LDLRAD4: variants seen among roughly 807,000 people sequenced by gnomAD.
LDLRAD4 encodes the protein low density lipoprotein receptor class A domain containing 4.
LDLRAD4 carries 5 observed loss-of-function variants against 17.0 expected under a neutral mutation model. The observed-to-expected ratio is 0.29, with a 90% CI of 0.15 to 0.62. The LOEUF (loss-of-function observed/expected upper bound fraction) is 0.62. Ranked by LOEUF, LDLRAD4 falls within the 20% of genes least tolerant of loss-of-function variation. The pLI, the probability that LDLRAD4 is intolerant of heterozygous loss-of-function variation, is 0.84. For synonymous variants in LDLRAD4, 168 were observed against 171.8 expected, an observed-to-expected ratio of 0.98 and a Z score of 0.17; for missense variants, 340 against 424.7, an observed-to-expected ratio of 0.80 and a Z score of 1.75.
intron 1 of LDLRAD4, among the ~76,000 whole-genome samples, chr18:13,224,344 C>T (rs1051646607): frequency 1.6e-4 from 25 of 152,272 alleles, no homozygotes; most frequent in East Asian, 9.6e-4. Context: ...TGTGACTGCC[C>T]GGTTCCTGGG....
intron 3 of LDLRAD4, among the ~76,000 whole-genome samples, chr18:13,567,752 T>TTAA (rs2094626122): frequency 6.7e-6 from 1 of 150,100 alleles, no homozygotes; most frequent in Non-Finnish European, 1.5e-5. Flanking sequence ...CTTTTTTTGT[T>TTAA]AAAAAAAAAA....
At chr18:13,389,584 G>A (rs1031883025) in intron 2 of LDLRAD4, among the ~76,000 whole-genome samples, 1 of 152,138 alleles carries the variant, frequency 6.6e-6, no homozygotes, top group East Asian at 1.9e-4. Flanking sequence ...AGAGCCCGAG[G>A]AAAAGTGGCA....
chr18:13,590,338 AGTGT>A (rs10526136), intron 3 of LDLRAD4, among the ~76,000 whole-genome samples: 1 of 145,836 alleles, frequency 6.9e-6, no homozygotes, highest in African/African-American at 2.6e-5. Flanking sequence ...GTGGGGGGTA[AGTGT>A]GTGTGTGTGC....
chr18:13,566,434 C>G (rs1262727867), intron 3 of LDLRAD4, among the ~76,000 whole-genome samples: 1 of 149,198 alleles, frequency 6.7e-6, no homozygotes, highest in African/African-American at 2.5e-5. Flanking sequence ...GCAATCTTAG[C>G]TCATTGCAAC....
At chr18:13,509,758 A>G (rs1284567) in intron 3 of LDLRAD4, among the ~76,000 whole-genome samples, 62,212 of 152,122 alleles carry the variant, frequency 0.41, 14,785 homozygotes, top group East Asian at 0.61. Flanking sequence ...GAGTCAATCA[A>G]TGAGGCACTC....
exon 6 of LDLRAD4, chr18:13,648,738 T>C (rs2043114228): frequency 1.3e-5 from 2 of 152,204 alleles, no homozygotes; most frequent in African/African-American, 4.8e-5. Context: ...TGGATTGCAT[T>C]GTTAGGAAGA....
intron 3 of LDLRAD4, among the ~76,000 whole-genome samples, chr18:13,556,841 T>C (rs897189502): frequency 2.0e-5 from 3 of 152,168 alleles, no homozygotes; most frequent in African/African-American, 7.2e-5. Context: ...CTGAGGTGTA[T>C]TAGGTTTCCT....
chr18:13,514,343 A>C (rs1396859322), intron 3 of LDLRAD4, among the ~76,000 whole-genome samples: 1 of 152,252 alleles, frequency 6.6e-6, no homozygotes, highest in Non-Finnish European at 1.5e-5. Flanking sequence ...ATGAATACAA[A>C]TAAATCACCT....
intron 3 of LDLRAD4, among the ~76,000 whole-genome samples, chr18:13,497,875 C>G (rs923206169): frequency 4.6e-5 from 7 of 151,904 alleles, no homozygotes; most frequent in African/African-American, 1.7e-4. Flanking sequence ...TCCCTCTTGC[C>G]ACACGTGTCC....
intron 3 of LDLRAD4, among the ~76,000 whole-genome samples, chr18:13,571,916 G>A (rs576681507): frequency 3.9e-5 from 6 of 152,104 alleles, no homozygotes; most frequent in African/African-American, 1.2e-4. Flanking sequence ...GATTACAGGC[G>A]TGAGCTACCG....
chr18:13,301,442 G>A (rs946243692), intron 1 of LDLRAD4, among the ~76,000 whole-genome samples: 4 of 151,204 alleles, frequency 2.6e-5, no homozygotes, highest in African/African-American at 9.7e-5. Context: ...GGCGAGGGGG[G>A]TGGGGAAGAT....
intron 1 of LDLRAD4, among the ~76,000 whole-genome samples, chr18:13,345,287 A>T (rs900582167): frequency 1.3e-5 from 2 of 152,220 alleles, no homozygotes; most frequent in Non-Finnish European, 2.9e-5. Context: ...AGTTTTTAGC[A>T]TGAAGCATTG....
intron 3 of LDLRAD4, among the ~76,000 whole-genome samples, chr18:13,569,988 C>T (rs1473234557): frequency 1.3e-5 from 2 of 152,148 alleles, no homozygotes; most frequent in African/African-American, 4.8e-5. Context: ...GGAAGCAAGA[C>T]AGCTGATCCC....
In LDLRAD4 at chr18:13,621,995, G is replaced by A. The variant is rs1171244331; in HGVS notation, c.336+724G>A. 6.6e-6 allele frequency among the ~76,000 whole-genome samples: 1 copy of A among 152,198 alleles called. No individual in the cohort carries two copies. Among genetic ancestry groups the A allele is most frequent in the Non-Finnish European group, 1.5e-5 (1 of 68,034 alleles). On this transcript the variant is annotated intron_variant, in intron 4 of 5. Coordinates refer to ENST00000359446, the Ensembl canonical transcript of LDLRAD4. This position sits in a 1 kb window ranked among gnomAD's most constrained non-coding sequence, Gnocchi z 5.5. ...GGTTTTGATGGCTTCCAGCCAGAGGGTTAGGAGCGGTGAGTTCAGCGAGCG... is the reference window on the plus strand; with the variant it reads ...GGTTTTGATGGCTTCCAGCCAGAGGATTAGGAGCGGTGAGTTCAGCGAGCG...
At chr18:13,323,872 C>G (rs2081375177) in intron 1 of LDLRAD4, among the ~76,000 whole-genome samples, 1 of 152,026 alleles carries the variant, frequency 6.6e-6, no homozygotes. Flanking sequence ...TTGAGAGCAG[C>G]CTGGGCAACA....
chr18:13,217,996 C>G (rs1484486705), upstream of LDLRAD4: 4 of 150,864 alleles, frequency 2.7e-5, no homozygotes, highest in Non-Finnish European at 4.4e-5. The surrounding 1 kb of genome is among the most constrained non-coding windows in gnomAD (Gnocchi z 4.9). Flanking sequence ...CGCCCCCTGC[C>G]GCGCCCCGCA....
At chr18:13,415,993 T>G (rs1434439608) in intron 2 of LDLRAD4, among the ~76,000 whole-genome samples, 3 of 152,112 alleles carry the variant, frequency 2.0e-5, no homozygotes, top group African/African-American at 7.2e-5. Flanking sequence ...TAGGAGAGCT[T>G]TGGTGTGGGC....
intron 3 of LDLRAD4, among the ~76,000 whole-genome samples, chr18:13,584,674 T>C (rs1453658402): frequency 1.1e-4 from 16 of 152,194 alleles, no homozygotes; most frequent in Non-Finnish European, 1.5e-5. Flanking sequence ...CCACTTCTTA[T>C]TGTGCTTAAT....
At chr18:13,394,380 G>T (rs1415994301) in intron 2 of LDLRAD4, among the ~76,000 whole-genome samples, 1 of 152,048 alleles carries the variant, frequency 6.6e-6, no homozygotes, top group African/African-American at 2.4e-5. Context: ...TTTAAATAAG[G>T]ATGAGAAATA....
Sources: allele counts gnomAD v4.1 joint callset (sites outside exome capture counted in the v4.1 genomes callset), GRCh38; gene constraint gnomAD v4.1.1; non-coding constraint Gnocchi (gnomAD v3.1); transcripts MANE v1.5; gene names NCBI Gene and HGNC (gene_info 2026-07-23, HGNC 2026-07-21).